Variants in VPS53 observed in about 807,000 individuals in gnomAD.
The protein encoded by VPS53 is vacuolar protein sorting-associated protein 53 homolog.
VPS53 carries 70 observed loss-of-function variants against 107.0 expected under a neutral mutation model. The ratio of observed to expected loss-of-function variants is 0.65; its 90% CI spans 0.54 to 0.80. The LOEUF (loss-of-function observed/expected upper bound fraction) is 0.80, where lower values mean the gene tolerates loss of function less well. Ranked by LOEUF, VPS53 falls within the 30% of genes least tolerant of loss-of-function variation. The pLI is 0.00. For synonymous variants in VPS53, 409 were observed against 393.3 expected, an observed-to-expected ratio of 1.04 and a Z score of -0.47; for missense variants, 917 against 1,049.4, an observed-to-expected ratio of 0.87 and a Z score of 1.74.
At chr17:631,748 T>TCCA in intron 7 of VPS53, 120 bp from the exon 8 acceptor site, 1 of 801,576 alleles carries the variant, frequency 1.2e-6, no homozygotes, top group Non-Finnish European at 2.0e-6. Context: ...TACAGAGACG[T>TCCA]CCATGAGGTG....
chr17:576,335 T>A (rs931155645), intron 13 of VPS53, among the ~76,000 whole-genome samples: 2 of 147,466 alleles, frequency 1.4e-5, no homozygotes, highest in African/African-American at 5.1e-5. Context: ...AACCTAACGC[T>A]TTCCCAGACA....
rs1302465255 is a variant in VPS53, at chr17:629,629, G to A, written c.688-1398C>T. Among the ~76,000 whole-genome samples, 9 of 152,038 alleles carry A rather than the reference G, an allele frequency of 5.9e-5. No homozygotes were observed. In the East Asian group the frequency reaches 1.7e-3, roughly 29 times the overall value. ...TACAAAAAAATTAGCCAGGCGTGGTGGCGGGTGCCTGTAGTCCTAGCTACT... is the reference window on the plus strand; with the variant it reads ...TACAAAAAAATTAGCCAGGCGTGGTAGCGGGTGCCTGTAGTCCTAGCTACT... On this transcript the variant is annotated intron_variant, in intron 8 of 21. Coordinates refer to ENST00000437048, the MANE Select transcript of VPS53 (RefSeq NM_001128159.3).
Position 530,715 on chromosome 17 carries a change from A to G in VPS53, c.2085+2127T>C, listed in dbSNP as rs754063175. Among the ~76,000 whole-genome samples the G allele has an allele frequency of 5.9e-5, 9 of 152,210 alleles. No individual in the cohort carries two copies. The South Asian group carries it at 6.2e-4, about 11-fold the overall frequency. Reference sequence around the variant, plus strand: ...AAAGCTTTCATAGGTGAACGCAGTCATAAGAATAATTAGTGACCCTGCAAA... The same window carrying G: ...AAAGCTTTCATAGGTGAACGCAGTCGTAAGAATAATTAGTGACCCTGCAAA... On this transcript the variant is annotated intron_variant, in intron 19 of 21. Coordinates refer to ENST00000437048, the MANE Select transcript of VPS53 (RefSeq NM_001128159.3).
At chr17:656,209 A>G (rs1218591004) in intron 5 of VPS53, among the ~76,000 whole-genome samples, 14 of 152,188 alleles carry the variant, frequency 9.2e-5, no homozygotes, top group Non-Finnish European at 1.8e-4. Flanking sequence ...TTTTACCCCA[A>G]ATGAAATGAT....
In VPS53 at chr17:510,987, G is replaced by A. The variant is rs56965788; in HGVS notation, c.*8141C>T. On this transcript the variant is annotated 3_prime_UTR_variant, in exon 22 of 22. Transcript: ENST00000437048. ...TGATATTCGGTGTGGGTATGAGGTT[G>A]TGGGGGGCTCTGTGTGTAAACTGAT... 8,832 of 152,382 alleles carry A rather than the reference G, an allele frequency of 0.058. 644 individuals are homozygous for A. Among genetic ancestry groups the A allele is most frequent in the African/African-American group, 0.17 (7,153 of 41,432 alleles). 9.4% of individuals were successfully genotyped at this position (152,382 alleles called of 1,614,324 possible).
intron 4 of VPS53, among the ~76,000 whole-genome samples, chr17:684,647 G>T (rs886687792): frequency 1.3e-5 from 2 of 152,062 alleles, no homozygotes; most frequent in African/African-American, 2.4e-5. Flanking sequence ...TAGACTCAAC[G>T]CAATCCCAAT....
chr17:548,956 C>T (rs1298542566), intron 17 of VPS53, among the ~76,000 whole-genome samples: 1 of 152,222 alleles, frequency 6.6e-6, no homozygotes, highest in Non-Finnish European at 1.5e-5. Context: ...GAACTCCTCC[C>T]TCTTTAAAAA....
intron 13 of VPS53, among the ~76,000 whole-genome samples, chr17:570,500 A>C (rs1036397005): frequency 6.6e-6 from 1 of 152,198 alleles, no homozygotes; most frequent in Non-Finnish European, 1.5e-5. Flanking sequence ...ATAATGAGGA[A>C]ACATCAGACA....
chr17:661,913 C>A lies in VPS53; in HGVS notation c.286-18G>T, dbSNP rs1437753333. On this transcript the variant is annotated intron_variant, in intron 4 of 21. Transcript: ENST00000437048. ...TCAAGCGCCTAGAGTAAGGGAAATA[C>A]ATGAAAAACAAAAAGTGGCTAGAGA... is the stretch of plus-strand genomic sequence containing the variant. 2.6e-6 allele frequency: 4 copies of A among 1,545,580 alleles called. No homozygotes were observed. The highest frequency in any genetic ancestry group is 1.7e-4 in the Middle Eastern group (1 of 5,970).
At chr17:542,390 A>C (rs1910767537) in intron 17 of VPS53, among the ~76,000 whole-genome samples, 1 of 152,190 alleles carries the variant, frequency 6.6e-6, no homozygotes, top group South Asian at 2.1e-4. Flanking sequence ...AACCTTCTAA[A>C]GGGGTGACCG....
At position 627,940 on chromosome 17, in the gene VPS53, C is replaced by A. The variant is rs1445903877; in HGVS notation, c.831+148G>T. ...TCAGTGACCTCAAAATGGTTAAGAA[C>A]TATAAACTCAGCCCCTAGGACTCAC... On this transcript the variant is annotated intron_variant, in intron 9 of 21. Coordinates refer to ENST00000437048, the MANE Select transcript of VPS53 (RefSeq NM_001128159.3). 6 of 745,684 alleles carry A rather than the reference C, an allele frequency of 8.0e-6. No individual in the cohort carries two copies. In the African/African-American group the frequency reaches 1.1e-4, roughly 14 times the overall value. The allele number at this position is 745,684 out of a possible 1,614,324, so 46.2% of individuals were successfully genotyped here.
intron 7 of VPS53, among the ~76,000 whole-genome samples, chr17:635,247 GT>G (rs1389377379): frequency 6.6e-6 from 1 of 152,082 alleles, no homozygotes; most frequent in East Asian, 1.9e-4. Context: ...GGGGTTGTTT[GT>G]TTTTTTCTTG....
intron 12 of VPS53, among the ~76,000 whole-genome samples, chr17:587,771 T>A (rs1967394004): frequency 6.6e-6 from 1 of 152,176 alleles, no homozygotes; most frequent in South Asian, 2.1e-4. Flanking sequence ...TGATACTAAA[T>A]CATAATTTGC....
chr17:575,665 GTGTTCCAGGGAACCTCC>G (rs1189279036), intron 13 of VPS53, among the ~76,000 whole-genome samples: 1 of 150,722 alleles, frequency 6.6e-6, no homozygotes, highest in African/African-American at 2.4e-5. Flanking sequence ...AGGATCTAAT[GTGTTCCAGGGAACCTCC>G]CTCAGAACCT....
intron 4 of VPS53, among the ~76,000 whole-genome samples, chr17:669,155 A>T (rs1971827125): frequency 6.6e-6 from 1 of 152,216 alleles, no homozygotes; most frequent in Admixed American, 6.5e-5. Context: ...ATATAGAAAG[A>T]TTGTTTTGCA....
intron 2 of VPS53, 84 bp downstream of exon 2, chr17:710,449 G>C (rs752762653): frequency 2.2e-5 from 23 of 1,043,066 alleles, no homozygotes; most frequent in Non-Finnish European, 3.4e-5. Flanking sequence ...AGGGCCCGTA[G>C]ATGATCTAGT....
At chr17:689,680 G>A (rs746788299) in intron 4 of VPS53, among the ~76,000 whole-genome samples, 2 of 152,010 alleles carry the variant, frequency 1.3e-5, no homozygotes, top group African/African-American at 4.8e-5. Flanking sequence ...CCCCATGTTG[G>A]CCAGGCTGGT....
intron 15 of VPS53, among the ~76,000 whole-genome samples, chr17:559,010 A>C (rs1912700923): frequency 2.0e-5 from 3 of 152,036 alleles, no homozygotes; most frequent in Admixed American, 2.0e-4. Flanking sequence ...TAAATAAATA[A>C]ATAAATAATT....
rs146169415 is a variant in VPS53, at chr17:634,407, T to A, written c.609-2779A>T. Among the ~76,000 whole-genome samples the A allele has an allele frequency of 3.4e-4, 52 of 152,282 alleles. 1 individual carries two copies. The highest frequency in any genetic ancestry group is 3.7e-4 in the Non-Finnish European group (25 of 68,016). On this transcript the variant is annotated intron_variant, in intron 7 of 21. Coordinates refer to ENST00000437048, the MANE Select transcript of VPS53 (RefSeq NM_001128159.3). ...ATTATGTACACCTTATTTTTTTTTA[T>A]TATTATACTTTCAGTTTTAGGGTAC... is the stretch of plus-strand genomic sequence containing the variant.
Sources: allele counts gnomAD v4.1 joint callset (sites outside exome capture counted in the v4.1 genomes callset), GRCh38; gene constraint gnomAD v4.1.1; transcripts MANE v1.5; gene names NCBI Gene and HGNC (gene_info 2026-07-23, HGNC 2026-07-21).